Variants in EYS observed in about 807,000 individuals in gnomAD.
EYS encodes the protein EGF-like photoreceptor maintenance factor.
EYS carries 250 observed loss-of-function variants against 282.1 expected under a neutral mutation model. The ratio of observed to expected loss-of-function variants is 0.89; its 90% CI spans 0.80 to 0.98. The LOEUF is 0.98. Ranked by LOEUF, EYS falls within the 50% of genes least tolerant of loss-of-function variation. The pLI, the probability that EYS is intolerant of heterozygous loss-of-function variation, is 0.00. For missense variants in EYS, 4,016 were observed against 3,709.0 expected, an observed-to-expected ratio of 1.08 and a Z score of -2.15; for synonymous variants, 1,355 against 1,282.9, an observed-to-expected ratio of 1.06 and a Z score of -1.20.
chr6:64,750,419 G>GCAA (rs1772706270), intron 22 of EYS, among the ~76,000 whole-genome samples: 1 of 23,596 alleles, frequency 4.2e-5, no homozygotes, highest in African/African-American at 7.9e-5. Context: ...AAGAGGGAAA[G>GCAA]TAAAAAAAAA....
chr6:65,181,407 A>T (rs1450438945), intron 12 of EYS, among the ~76,000 whole-genome samples: 1 of 152,226 alleles, frequency 6.6e-6, no homozygotes, highest in Non-Finnish European at 1.5e-5. Flanking sequence ...GGATATGAAC[A>T]GACACTTTTC....
intron 31 of EYS, among the ~76,000 whole-genome samples, chr6:64,101,309 C>T (rs1399481641): frequency 6.6e-6 from 1 of 151,902 alleles, no homozygotes; most frequent in Non-Finnish European, 1.5e-5. Flanking sequence ...ATTTGAAACC[C>T]AAGTAACAGC....
intron 31 of EYS, among the ~76,000 whole-genome samples, chr6:64,196,530 G>A (rs963154583): frequency 6.6e-6 from 1 of 152,104 alleles, no homozygotes; most frequent in African/African-American, 2.4e-5. Flanking sequence ...TTAAGAAAAT[G>A]TGGCACATAT....
chr6:65,692,875 G>T (rs1018452859), intron 1 of EYS, among the ~76,000 whole-genome samples: 2 of 150,040 alleles, frequency 1.3e-5, no homozygotes, highest in South Asian at 2.1e-4. Flanking sequence ...CATAGAGAAG[G>T]TTTATATTTT....
intron 1 of EYS, among the ~76,000 whole-genome samples, chr6:65,670,622 T>C (rs1768362501): frequency 1.3e-5 from 2 of 151,998 alleles, no homozygotes; most frequent in African/African-American, 2.4e-5. Flanking sequence ...ATTTGAACAA[T>C]TGATAATGAA....
intron 14 of EYS, among the ~76,000 whole-genome samples, chr6:64,970,963 T>G (rs1770273142): frequency 6.6e-6 from 1 of 152,212 alleles, no homozygotes; most frequent in Non-Finnish European, 1.5e-5. Context: ...TATTTATTTT[T>G]AATCTCATAT....
intron 12 of EYS, among the ~76,000 whole-genome samples, chr6:65,231,646 G>GT (rs1199314430): frequency 9.9e-5 from 15 of 151,894 alleles, no homozygotes; most frequent in Middle Eastern, 3.4e-3. Flanking sequence ...GTACAGGCAA[G>GT]TTTTTCTTCT....
chr6:64,878,179 T>C (rs1583250938), intron 19 of EYS, among the ~76,000 whole-genome samples: 1 of 151,948 alleles, frequency 6.6e-6, no homozygotes, highest in Non-Finnish European at 1.5e-5. Flanking sequence ...GAGCAGAGAT[T>C]GCACCACTGC....
chr6:65,678,398 T>C (rs918004607), intron 1 of EYS, among the ~76,000 whole-genome samples: 1 of 151,988 alleles, frequency 6.6e-6, no homozygotes, highest in Non-Finnish European at 1.5e-5. Flanking sequence ...GCCAAAGATA[T>C]TCAGATGCAA....
chr6:65,530,192 A>C (rs1767711910), intron 2 of EYS, among the ~76,000 whole-genome samples: 1 of 152,172 alleles, frequency 6.6e-6, no homozygotes, highest in African/African-American at 2.4e-5. Context: ...TCAGTCAGTA[A>C]TTTAAATGGG....
At chr6:64,332,238 C>T (rs1248208458) in intron 29 of EYS, among the ~76,000 whole-genome samples, 1 of 152,144 alleles carries the variant, frequency 6.6e-6, no homozygotes, top group African/African-American at 2.4e-5. Flanking sequence ...GGTATTCACC[C>T]TGTGAGATAG....
intron 12 of EYS, among the ~76,000 whole-genome samples, chr6:65,082,890 A>G (rs527805516): frequency 1.3e-5 from 2 of 152,156 alleles, no homozygotes; most frequent in Non-Finnish European, 2.9e-5. Flanking sequence ...AATGCATGCA[A>G]TGGACTGTAA....
chr6:65,170,355 T>C (rs1180010871), intron 12 of EYS, among the ~76,000 whole-genome samples: 6 of 151,522 alleles, frequency 4.0e-5, no homozygotes, highest in Non-Finnish European at 8.9e-5. Context: ...GATTTTAAAA[T>C]GAACTGACAT....
intron 28 of EYS, among the ~76,000 whole-genome samples, chr6:64,397,842 A>G (rs1773426542): frequency 6.6e-6 from 1 of 151,938 alleles, no homozygotes; most frequent in Non-Finnish European, 1.5e-5. Context: ...TTTTAATCTA[A>G]CATGCGCTTT....
chr6:64,819,351 A>C (rs1486348601), intron 21 of EYS, among the ~76,000 whole-genome samples: 1 of 152,128 alleles, frequency 6.6e-6, no homozygotes, highest in Non-Finnish European at 1.5e-5. Context: ...AACATGACAA[A>C]ATTTTAAAAA....
intron 22 of EYS, among the ~76,000 whole-genome samples, chr6:64,736,411 T>C (rs906052204): frequency 5.9e-5 from 9 of 152,290 alleles, no homozygotes; most frequent in Admixed American, 3.9e-4. Flanking sequence ...TAAAGAGTGG[T>C]TGAAGAAATA....
chr6:65,484,677 G>A (rs982658601), intron 5 of EYS, among the ~76,000 whole-genome samples: 3 of 152,112 alleles, frequency 2.0e-5, no homozygotes, highest in African/African-American at 4.8e-5. Context: ...CAGTAGGAAC[G>A]ACAGGAAATT....
intron 1 of EYS, among the ~76,000 whole-genome samples, chr6:65,672,273 A>G (rs7739376): frequency 0.35 from 53,674 of 152,000 alleles, 11,968 homozygotes; most frequent in Non-Finnish European, 0.49. Flanking sequence ...CATACTCTAA[A>G]TGCCTGAGGC....
rs760452007 is a variant in EYS at position 64,457,008 on chromosome 6, G to A, written c.5645-17656C>T. Among the ~76,000 whole-genome samples, 13 of 152,008 alleles carry A rather than the reference G, an allele frequency of 8.6e-5. No individual in the cohort carries two copies. The East Asian group carries it at 1.5e-3, about 18-fold the overall frequency. On this transcript the variant is annotated intron_variant, in intron 26 of 42. Coordinates refer to ENST00000503581, the MANE Select transcript of EYS (RefSeq NM_001142800.2). ...ACCTTTTTTGATGTAGGTGTTTATT[G>A]CTACAAACTTACCCCTTAGAACTGC...
Sources: allele counts gnomAD v4.1 joint callset (sites outside exome capture counted in the v4.1 genomes callset), GRCh38; gene constraint gnomAD v4.1.1; transcripts MANE v1.5; gene names NCBI Gene and HGNC (gene_info 2026-07-23, HGNC 2026-07-21).